MCM5: variants seen among roughly 807,000 people sequenced by gnomAD.
MCM5 encodes DNA replication licensing factor MCM5.
A neutral mutation model predicts 79.9 loss-of-function variants in MCM5; 46 were observed. The ratio of observed to expected loss-of-function variants is 0.58; its 90% CI spans 0.45 to 0.74. The LOEUF (loss-of-function observed/expected upper bound fraction) is 0.74, where lower values mean the gene tolerates loss of function less well. Ranked by LOEUF, MCM5 falls within the 30% of genes least tolerant of loss-of-function variation. The probability of loss-of-function intolerance (pLI) is 0.00; values close to 1 mark genes in which losing one functional copy is unlikely to be tolerated. For missense variants in MCM5, 883 were observed against 1,017.0 expected, an observed-to-expected ratio of 0.87 and a Z score of 1.79; for synonymous variants, 404 against 390.5, an observed-to-expected ratio of 1.03 and a Z score of -0.41.
the MCM5 span, among the ~76,000 whole-genome samples, chr22:35,447,079 C>T: frequency 2.0e-5 from 3 of 152,186 alleles, no homozygotes; most frequent in Non-Finnish European, 2.9e-5. Context: ...GGGGTTCAGC[C>T]CCAAGGCTGG....
At chr22:35,453,491 CAG>C in the MCM5 span, among the ~76,000 whole-genome samples, 5 of 149,620 alleles carry the variant, frequency 3.3e-5, no homozygotes, top group African/African-American at 1.2e-4. Context: ...GGGACAGATA[CAG>C]AGAGACAGAG....
At chr22:35,438,513 ATG>A in the MCM5 span, among the ~76,000 whole-genome samples, 1 of 70,418 alleles carries the variant, frequency 1.4e-5, no homozygotes, top group African/African-American at 4.3e-5. Context: ...CCATCCATCT[ATG>A]CATCCATCCA....
At chr22:35,401,444 C>A (rs1932047869) in intron 2 of MCM5, 1 of 471,046 alleles carries the variant, frequency 2.1e-6, no homozygotes, top group Non-Finnish European at 4.4e-6. Context: ...AGCACTGAAG[C>A]TGGACCTGGC....
chr22:35,402,826 G>T (rs1932100285), intron 2 of MCM5, among the ~76,000 whole-genome samples: 1 of 152,216 alleles, frequency 6.6e-6, no homozygotes, highest in South Asian at 2.1e-4. Context: ...TTACAGGCAT[G>T]AGCCACCTCA....
chr22:35,406,588 C>G lies in MCM5; in HGVS notation c.459C>G (p.Gly153=), dbSNP rs962875559. ...TGTCACACCTGGTGAAGATCCCTGGCATCATCATCGCGGCCTCTGCGGTCC... is the reference window on the plus strand; with the variant it reads ...TGTCACACCTGGTGAAGATCCCTGGGATCATCATCGCGGCCTCTGCGGTCC... The part of the protein sequence containing the change: ...DMMSHLVKIP[G]IIIAASAVRA... The change falls in exon 5 of 17, where the codon GGC becomes GGG. Residue 153 remains glycine, a synonymous_variant. Transcript: ENST00000216122. The G allele has an allele frequency of 5.0e-6, 8 of 1,613,738 alleles. No individual in the cohort carries two copies. The highest frequency in any genetic ancestry group is 6.8e-6 in the Non-Finnish European group (8 of 1,179,966).
Position 35,412,674 on chromosome 22 carries a change from C to G in MCM5, c.1084C>G (p.Arg362Gly). 1 of 1,487,182 alleles carries G rather than the reference C, an allele frequency of 6.7e-7. No individual in the cohort carries two copies. Among genetic ancestry groups the G allele is most frequent in the Non-Finnish European group, 9.0e-7 (1 of 1,109,020 alleles). 92.1% of individuals were successfully genotyped at this position (1,487,182 alleles called of 1,614,324 possible). A position where few individuals can be genotyped will look rare whatever the true frequency, so the allele number is the denominator to read the frequency against. The stretch of plus-strand genomic sequence containing the variant: ...TGCCTGCCTGCTCTTTGGGGGCTCC[C>G]GAAAGAGGTAGGGGCTTGAGTTCCC... ...AIACLLFGGS[R>G]KRLPDGLTRR... Residue 362 changes from arginine (R) to glycine (G), a missense_variant, in exon 8 of 17, where the codon CGA (arginine) becomes GGA (glycine). Coordinates refer to ENST00000216122, the MANE Select transcript of MCM5 (RefSeq NM_006739.4).
intron 9 of MCM5, 110 bp from the exon 10 acceptor site, chr22:35,415,719 A>T (rs758082700): frequency 8.1e-7 from 1 of 1,235,000 alleles, no homozygotes; most frequent in Non-Finnish European, 1.1e-6. Flanking sequence ...CCCTGCAGCC[A>T]GCTTTGATGT....
the MCM5 span, among the ~76,000 whole-genome samples, chr22:35,453,819 T>TAGAGAGAGAGAGAGAG: frequency 1.2e-4 from 10 of 81,546 alleles, no homozygotes; most frequent in East Asian, 1.0e-3. Flanking sequence ...TATATATATA[T>TAGAGAGAGAGAGAGAG]AGAGAGAGAG....
intron 2 of MCM5, chr22:35,401,609 G>A: frequency 4.2e-6 from 2 of 470,972 alleles, no homozygotes; most frequent in Non-Finnish European, 8.8e-6. Flanking sequence ...CAGTGTCTCT[G>A]GGCCTCACCA....
intron 15 of MCM5, 196 bp from the exon 16 acceptor site, chr22:35,423,018 G>T: frequency 2.2e-6 from 1 of 451,714 alleles, no homozygotes; most frequent in South Asian, 5.0e-5. Context: ...CTTTGTGCTT[G>T]GCCTGGAGTG....
chr22:35,436,382 C>T, the MCM5 span, among the ~76,000 whole-genome samples: 17 of 152,170 alleles, frequency 1.1e-4, no homozygotes, highest in Non-Finnish European at 1.9e-4. Context: ...CACGCTGTTA[C>T]ATGTGACAGC....
At chr22:35,423,637 T>C in intron 16 of MCM5, 1 of 252,270 alleles carries the variant, frequency 4.0e-6, no homozygotes, top group Non-Finnish European at 7.5e-6. Flanking sequence ...TCTGTGCCTT[T>C]CCCCGTTGGC....
chr22:35,412,408 A>G (rs563642401), intron 7 of MCM5, 102 bp from the exon 8 acceptor site: 53 of 1,001,168 alleles, frequency 5.3e-5, no homozygotes, highest in Non-Finnish European at 7.2e-5. Flanking sequence ...TAAGGGCCCT[A>G]AGGGCTCTGC....
At chr22:35,444,767 G>T in the MCM5 span, among the ~76,000 whole-genome samples, 1 of 152,180 alleles carries the variant, frequency 6.6e-6, no homozygotes, top group Non-Finnish European at 1.5e-5. Flanking sequence ...TAATTCCACT[G>T]CTTTGGGAGG....
downstream of MCM5, among the ~76,000 whole-genome samples, chr22:35,428,673 G>A (rs1031338239): frequency 3.9e-5 from 6 of 152,176 alleles, no homozygotes; most frequent in Admixed American, 3.3e-4. Context: ...GTTTCTGCAC[G>A]TGGTCAGGTA....
intron 4 of MCM5, among the ~76,000 whole-genome samples, chr22:35,405,020 A>ATTT (rs35626347): frequency 3.5e-5 from 4 of 114,336 alleles, no homozygotes; most frequent in African/African-American, 6.7e-5. Flanking sequence ...CTAGAGGCCA[A>ATTT]TTTTTTTTTT....
At chr22:35,403,729 G>A in intron 4 of MCM5, among the ~76,000 whole-genome samples, 187 bp downstream of exon 4, 1 of 152,278 alleles carries the variant, frequency 6.6e-6, no homozygotes, top group African/African-American at 2.4e-5. Flanking sequence ...AAAGCAGAGA[G>A]TAGTATAATG....
chr22:35,414,456 C>T (rs1255412659), intron 9 of MCM5, among the ~76,000 whole-genome samples: 2 of 151,758 alleles, frequency 1.3e-5, no homozygotes, highest in Non-Finnish European at 2.9e-5. Flanking sequence ...CCTGTCTTTA[C>T]CAAAAATACA....
rs1479989704 is a variant in MCM5 at position 35,416,806 on chromosome 22, A to T, written c.1582A>T (p.Arg528Trp). 1.1e-5 allele frequency: 17 copies of T among 1,613,688 alleles called. No individual in the cohort carries two copies. Among genetic ancestry groups the T allele is most frequent in the Non-Finnish European group, 1.4e-5 (17 of 1,179,962 alleles). ...CGTCAAGGATGAGCACAATGAGGAG[A>T]GGGATGTGGTACGTCCAGGGGCAGG... The part of the protein sequence containing the change: ...FIVKDEHNEE[R>W]DVMLAKHVIT... Residue 528 changes from arginine (R) to tryptophan (W), a missense_variant, in exon 12 of 17, where the codon AGG (arginine) becomes TGG (tryptophan). Physicochemically the swap from Arg to Trp is moderately radical, Grantham distance 101 (BLOSUM62 -3). This residue lies in a region of MCM5 where 426 missense variants were observed against 482.3 expected (regional missense o/e 0.88). Transcript: ENST00000216122.
Sources: gnomAD v4.1 joint callset for allele counts (sites outside exome capture counted in the v4.1 genomes callset) on GRCh38, gnomAD v4.1.1 for gene constraint, gnomAD v4.1.1 regional missense constraint, MANE v1.5 for transcripts, NCBI Gene and HGNC (gene_info 2026-07-23, HGNC 2026-07-21) for gene names.